Variants in SPAG16 observed in about 807,000 individuals in gnomAD.
The protein encoded by SPAG16 is sperm associated antigen 16.
A neutral mutation model predicts 80.4 loss-of-function variants in SPAG16; 86 were observed. That is an observed-to-expected ratio of 1.07 (90% CI 0.90 to 1.28). The LOEUF is 1.28. Ranked by LOEUF, SPAG16 falls within the 50% of genes most tolerant of loss-of-function variation. SPAG16 has a pLI of 0.00. For synonymous variants in SPAG16, 294 were observed against 265.9 expected, an observed-to-expected ratio of 1.11 and a Z score of -1.03; for missense variants, 870 against 765.3, an observed-to-expected ratio of 1.14 and a Z score of -1.61.
intron 15 of SPAG16, among the ~76,000 whole-genome samples, chr2:214,368,125 A>G (rs1699600126): frequency 6.6e-6 from 1 of 152,108 alleles, no homozygotes; most frequent in Non-Finnish European, 1.5e-5. Flanking sequence ...TAAGCAAACC[A>G]TTAAAATGCT....
Position 213,693,215 on chromosome 2 carries a change from A to G in SPAG16, c.1071-169270A>G, listed in dbSNP as rs111338493. ...GGCAATTTATCAGTTCTCATGCTCA[A>G]TGAATTCAGTCGTAGGGCACATGCA... On this transcript the variant is annotated intron_variant, in intron 10 of 15. Transcript: ENST00000331683. Among the ~76,000 whole-genome samples the G allele has an allele frequency of 5.5e-4, 84 of 152,332 alleles. 1 individual carries two copies. The highest frequency in any genetic ancestry group is 8.8e-4 in the Non-Finnish European group (60 of 68,028).
intron 15 of SPAG16, among the ~76,000 whole-genome samples, chr2:214,285,600 G>A (rs1486458213): frequency 3.3e-5 from 5 of 152,028 alleles, no homozygotes; most frequent in African/African-American, 7.3e-5. Flanking sequence ...CAAGGAGTTC[G>A]AGACCAGCCT....
chr2:213,941,936 A>T (rs776110077), intron 12 of SPAG16, among the ~76,000 whole-genome samples: 1 of 152,072 alleles, frequency 6.6e-6, no homozygotes, highest in Non-Finnish European at 1.5e-5. Flanking sequence ...TAGGTTTTCT[A>T]CTCTGTGAGC....
chr2:213,806,142 A>G (rs544503429), intron 10 of SPAG16, among the ~76,000 whole-genome samples: 25 of 152,322 alleles, frequency 1.6e-4, no homozygotes, highest in African/African-American at 5.8e-4. Flanking sequence ...CAATGTTCCA[A>G]TAAATACTAG....
At chr2:213,469,865 G>T (rs2125652551) in intron 9 of SPAG16, among the ~76,000 whole-genome samples, 1 of 152,246 alleles carries the variant, frequency 6.6e-6, no homozygotes, top group Non-Finnish European at 1.5e-5. Context: ...GGTAGGAGGA[G>T]CCCAAAGTGT....
chr2:213,315,668 T>G (rs2063371185), intron 4 of SPAG16, among the ~76,000 whole-genome samples: 1 of 147,166 alleles, frequency 6.8e-6, no homozygotes, highest in Non-Finnish European at 1.5e-5. Flanking sequence ...TCAGTTTGGC[T>G]TTTATCTGCA....
chr2:213,850,847 G>A (rs1169301504), intron 10 of SPAG16, among the ~76,000 whole-genome samples: 1 of 151,966 alleles, frequency 6.6e-6, no homozygotes, highest in Non-Finnish European at 1.5e-5. Flanking sequence ...TTTTTGAGTT[G>A]AATGTTATAA....
chr2:213,288,249 C>T (rs1157385933), intron 1 of SPAG16, among the ~76,000 whole-genome samples: 1 of 151,864 alleles, frequency 6.6e-6, no homozygotes, highest in Non-Finnish European at 1.5e-5. Context: ...TCTATCTAGT[C>T]TTTCATTGCC....
chr2:214,395,871 T>C (rs1257566580), intron 15 of SPAG16, among the ~76,000 whole-genome samples: 3 of 152,222 alleles, frequency 2.0e-5, no homozygotes, highest in Non-Finnish European at 2.9e-5. Context: ...TCATTCTTTG[T>C]TATGGCTGCA....
At chr2:214,046,872 G>C (rs899403007) in intron 13 of SPAG16, among the ~76,000 whole-genome samples, 6 of 150,232 alleles carry the variant, frequency 4.0e-5, no homozygotes, top group African/African-American at 1.5e-4. Context: ...TACAAAAATT[G>C]GTACCATTTC....
At chr2:213,477,038 TG>T (rs2073440067) in intron 9 of SPAG16, among the ~76,000 whole-genome samples, 1 of 152,062 alleles carries the variant, frequency 6.6e-6, no homozygotes, top group Non-Finnish European at 1.5e-5. Context: ...GGGCTTAGAA[TG>T]GGGGAATGAA....
chr2:214,316,083 A>G (rs921713631), intron 15 of SPAG16, among the ~76,000 whole-genome samples: 3 of 151,354 alleles, frequency 2.0e-5, no homozygotes, highest in African/African-American at 7.3e-5. Context: ...CTTTGGTTCA[A>G]TATTACAGGA....
chr2:213,652,766 G>A (rs895895216), intron 10 of SPAG16, among the ~76,000 whole-genome samples: 1 of 151,864 alleles, frequency 6.6e-6, no homozygotes, highest in Non-Finnish European at 1.5e-5. Flanking sequence ...CAAGTTCTTT[G>A]TGAGATATAT....
In SPAG16 at chr2:213,498,177, G is replaced by A. The variant is rs533041609; in HGVS notation, c.1070+8087G>A. ...CATGGTGAAGTATGAGCAATCAGTA[G>A]TTTTGATTTAGGTGAAGCACCCATC... On this transcript the variant is annotated intron_variant, in intron 10 of 15. Coordinates refer to ENST00000331683, the MANE Select transcript of SPAG16 (RefSeq NM_024532.5). Among the ~76,000 whole-genome samples the A allele has an allele frequency of 8.5e-4, 129 of 152,250 alleles. 1 individual carries two copies. The highest frequency in any genetic ancestry group is 3.0e-3 in the African/African-American group (124 of 41,564).
intron 15 of SPAG16, among the ~76,000 whole-genome samples, chr2:214,301,187 A>G (rs1694525319): frequency 1.3e-5 from 2 of 150,950 alleles, no homozygotes; most frequent in African/African-American, 4.9e-5. Flanking sequence ...GTGATTTACC[A>G]CATAAATAGA....
intron 10 of SPAG16, among the ~76,000 whole-genome samples, chr2:213,531,444 A>G (rs573358854): frequency 6.6e-6 from 1 of 151,336 alleles, no homozygotes; most frequent in South Asian, 2.1e-4. Context: ...GCACTCAGCA[A>G]TTTAGCAATA....
intron 11 of SPAG16, among the ~76,000 whole-genome samples, chr2:213,924,268 C>G (rs2078359911): frequency 6.6e-6 from 1 of 152,182 alleles, no homozygotes; most frequent in Non-Finnish European, 1.5e-5. Context: ...ATGGCTCTCT[C>G]CCTCAGTTTG....
chr2:214,352,562 G>GTGTGTGTGTGTGTGTC (rs1442096993), intron 15 of SPAG16, among the ~76,000 whole-genome samples: 4 of 49,886 alleles, frequency 8.0e-5, no homozygotes, highest in Non-Finnish European at 3.0e-4. Context: ...TTTTCTCTGT[G>GTGTGTGTGTGTGTGTC]TGTGTGTGTG....
intron 13 of SPAG16, among the ~76,000 whole-genome samples, chr2:214,065,663 T>G (rs947548728): frequency 7.2e-5 from 11 of 152,174 alleles, no homozygotes; most frequent in African/African-American, 2.4e-4. Flanking sequence ...ACATATAGTT[T>G]ATGTGAGTTT....
Sources: gnomAD v4.1 joint callset for allele counts (sites outside exome capture counted in the v4.1 genomes callset) on GRCh38, gnomAD v4.1.1 for gene constraint, MANE v1.5 for transcripts, NCBI Gene and HGNC (gene_info 2026-07-23, HGNC 2026-07-21) for gene names.